SLCO4A1: variants seen among roughly 807,000 people sequenced by gnomAD.
SLCO4A1 encodes solute carrier organic anion transporter family member 4A1, also known as colon organic anion transporter.
A neutral mutation model predicts 64.6 loss-of-function variants in SLCO4A1; 51 were observed. The ratio of observed to expected loss-of-function variants is 0.79; its 90% CI spans 0.63 to 1.00. The LOEUF (loss-of-function observed/expected upper bound fraction) is 1.00, where lower values mean the gene tolerates loss of function less well. Among genes scored for constraint, SLCO4A1 ranks in the 50% least tolerant of loss-of-function variants. The pLI, the probability that SLCO4A1 is intolerant of heterozygous loss-of-function variation, is 0.00. For missense variants in SLCO4A1, 919 were observed against 980.5 expected (o/e 0.94, Z 0.84); for synonymous variants, 471 against 444.9 (o/e 1.06, Z -0.74).
Position 62,657,241 on chromosome 20 carries a change from G to T in SLCO4A1, c.787G>T (p.Val263Phe), listed in dbSNP as rs140267842. ...GAACGTCAAGTCCAGCTGCTCGCCCGTCTACATTGGTGAGTGGGGCTGGCG... is the reference window on the plus strand; with the variant it reads ...GAACGTCAAGTCCAGCTGCTCGCCCTTCTACATTGGTGAGTGGGGCTGGCG... ...DENVKSSCSP[V>F]YIAIFYTAAI... Residue 263 changes from valine (V) to phenylalanine (F), a missense_variant, in exon 2 of 12, where the codon GTC (valine) becomes TTC (phenylalanine). Physicochemically the swap from Val to Phe is conservative, Grantham distance 50. Coordinates refer to ENST00000217159, the MANE Select transcript of SLCO4A1 (RefSeq NM_016354.4). 6.5e-7 allele frequency: 1 copy of T among 1,528,550 alleles called. No homozygotes were observed. The highest frequency in any genetic ancestry group is 8.8e-7 in the Non-Finnish European group (1 of 1,131,686). 94.7% of individuals were successfully genotyped at this position (1,528,550 alleles called of 1,614,324 possible).
At chr20:62,684,809 G>C (rs1987994846) in intron 2 of SLCO4A1, among the ~76,000 whole-genome samples, 1 of 152,134 alleles carries the variant, frequency 6.6e-6, no homozygotes, top group African/African-American at 2.4e-5. Flanking sequence ...CCCCACACCT[G>C]GAAGTCGCTC....
At chr20:62,687,930 A>T (rs1988118684), downstream of SLCO4A1, among the ~76,000 whole-genome samples, 1 of 152,028 alleles carries the variant, frequency 6.6e-6, no homozygotes, top group Non-Finnish European at 1.5e-5. Context: ...GCCATGTCCT[A>T]CCAGGCACTA....
chr20:62,676,549 G>C (rs4549159), downstream of SLCO4A1, among the ~76,000 whole-genome samples: 48,077 of 152,170 alleles, frequency 0.32, 7,708 homozygotes, highest in Non-Finnish European at 0.34. Context: ...AGGAGAAGAT[G>C]CTCAAGATTT....
rs78741883 is a variant in SLCO4A1, at chr20:62,679,962, CAG to C, written n.212-5474_212-5473del. Among the ~76,000 whole-genome samples, 362 of 152,318 alleles carry C rather than the reference CAG, an allele frequency of 2.4e-3. 1 individual carries two copies. Among genetic ancestry groups the C allele is most frequent in the Non-Finnish European group, 4.4e-3 (302 of 68,028 alleles). On this transcript the variant is annotated intron_variant and non_coding_transcript_variant, in intron 2 of 2. Transcript: ENST00000466818. ...TACCTTAAAGACCCTCTACACGAAA[CAG>C]AGAGTTTCTAAGAATCTTTGGGGAG... is the stretch of plus-strand genomic sequence containing the variant.
intron 1 of SLCO4A1, chr20:62,643,025 G>A (rs1601596275): frequency 2.1e-6 from 1 of 470,202 alleles, no homozygotes; most frequent in South Asian, 1.5e-5. Flanking sequence ...TGCGGCGGCC[G>A]CTGCTGCCGA....
In SLCO4A1 at chr20:62,661,041, C is replaced by CCCCCCCCCCCCCCCAAAAAA. The variant is rs58039100; in HGVS notation, c.1010-23_1010-22insCCCCCCCCCCCCCCAAAAAA. 2.8e-6 allele frequency: 4 copies of CCCCCCCCCCCCCCCAAAAAA among 1,424,144 alleles called. No homozygotes were observed. The highest frequency in any genetic ancestry group is 4.0e-6 in the Non-Finnish European group (4 of 1,010,142). 88.2% of individuals were successfully genotyped at this position (1,424,144 alleles called of 1,614,324 possible). On this transcript the variant is annotated intron_variant, in intron 4 of 11. Transcript: ENST00000217159. The surrounding 1 kb of genome is among the most constrained non-coding windows in gnomAD (Gnocchi z 5.2). ...TCCGGGAGCCCCCAGCCCCCAGCCC[C>CCCCCCCCCCCCCCCAAAAAA]AGCTCACTCTGTGCCCTTCCAGGCT... is the stretch of plus-strand genomic sequence containing the variant.
At chr20:62,655,097 G>A (rs993295961) in intron 1 of SLCO4A1, among the ~76,000 whole-genome samples, 63 of 152,256 alleles carry the variant, frequency 4.1e-4, no homozygotes, top group African/African-American at 1.5e-3. Context: ...TTGGGGTCAA[G>A]GCTCCAAGAC....
intron 6 of SLCO4A1, 139 bp downstream of exon 6, chr20:62,665,227 T>C (rs1985886447): frequency 5.2e-6 from 5 of 952,942 alleles, no homozygotes; most frequent in Non-Finnish European, 7.7e-6. Flanking sequence ...AGAGCAGGTG[T>C]GGAGAGCGCC....
intron 1 of SLCO4A1, among the ~76,000 whole-genome samples, chr20:62,655,128 A>G (rs951709267): frequency 6.6e-6 from 1 of 152,362 alleles, no homozygotes; most frequent in South Asian, 2.1e-4. Context: ...AGGGGTCACA[A>G]TTCAGCCATA....
chr20:62,684,672 C>A (rs988248165), intron 2 of SLCO4A1, among the ~76,000 whole-genome samples: 5 of 152,078 alleles, frequency 3.3e-5, no homozygotes, highest in African/African-American at 1.2e-4. Flanking sequence ...CTCATTCATC[C>A]CCCCACTCCC....
At chr20:62,687,219 GGGGCCTCT>G, downstream of SLCO4A1, among the ~76,000 whole-genome samples, 1 of 134,890 alleles carries the variant, frequency 7.4e-6, no homozygotes, top group African/African-American at 3.1e-5. Flanking sequence ...AACAGGAGCG[GGGGCCTCT>G]GAAGGCAAGT....
chr20:62,658,637 G>T (rs1196980791), intron 2 of SLCO4A1, 40 bp from the exon 3 acceptor site: 1 of 1,540,680 alleles, frequency 6.5e-7, no homozygotes. Context: ...CAGCCCCTGG[G>T]TGGTGCACAG....
intron 1 of SLCO4A1, among the ~76,000 whole-genome samples, chr20:62,652,747 T>C (rs1982828192): frequency 6.6e-6 from 1 of 152,178 alleles, no homozygotes; most frequent in Non-Finnish European, 1.5e-5. Flanking sequence ...AACCCCCGGG[T>C]GTGGCCGCGG....
rs1487865940 is a variant in SLCO4A1 at position 62,645,218 on chromosome 20, G to A, written c.-97+2665G>A. ...ATTGCACCCCTTGAACAGGGAGGGA[G>A]GTGCCAGTAACTCACATGCTAGGTT... is the stretch of plus-strand genomic sequence containing the variant. On this transcript the variant is annotated intron_variant, in intron 1 of 11. Transcript: ENST00000217159. This position sits in a 1 kb window ranked among gnomAD's most constrained non-coding sequence, Gnocchi z 4.2. 6.6e-6 allele frequency among the ~76,000 whole-genome samples: 1 copy of A among 152,156 alleles called. No individual in the cohort carries two copies. Among genetic ancestry groups the A allele is most frequent in the East Asian group, 1.9e-4 (1 of 5,166 alleles).
At chr20:62,674,795 T>C (rs1418776951), downstream of SLCO4A1, among the ~76,000 whole-genome samples, 2 of 152,150 alleles carry the variant, frequency 1.3e-5, no homozygotes, top group Admixed American at 6.5e-5. Context: ...CGTAGCCCTG[T>C]AACAGAGGAA....
intron 1 of SLCO4A1, among the ~76,000 whole-genome samples, chr20:62,654,298 C>T (rs1426766811): frequency 6.6e-6 from 1 of 152,244 alleles, no homozygotes; most frequent in Non-Finnish European, 1.5e-5. Flanking sequence ...CTTCTCAGAT[C>T]ACTTGTCACA....
At position 62,645,342 on chromosome 20, in the gene SLCO4A1, T is replaced by A. The variant is rs1981112736; in HGVS notation, c.-97+2789T>A. On this transcript the variant is annotated intron_variant, in intron 1 of 11. Transcript: ENST00000217159. The surrounding 1 kb of genome is among the most constrained non-coding windows in gnomAD (Gnocchi z 4.2). ...AACAGACTCTGGGCGTGTCCTCCTGTGGGCCTCTGCAGAGGAAGCAGACTG... is the reference window on the plus strand; with the variant it reads ...AACAGACTCTGGGCGTGTCCTCCTGAGGGCCTCTGCAGAGGAAGCAGACTG... 6.6e-6 allele frequency among the ~76,000 whole-genome samples: 1 copy of A among 152,002 alleles called. No homozygotes were observed.
chr20:62,645,468 G>A lies in SLCO4A1; in HGVS notation c.-97+2915G>A, dbSNP rs1286334774. On this transcript the variant is annotated intron_variant, in intron 1 of 11. Coordinates refer to ENST00000217159, the MANE Select transcript of SLCO4A1 (RefSeq NM_016354.4). The surrounding 1 kb of genome is among the most constrained non-coding windows in gnomAD (Gnocchi z 4.2). ...AGGGTGAGGGTGCGGGTGAGGATGA[G>A]GGTGCGGGTGAGGACCCACCCACAC... Among the ~76,000 whole-genome samples, 2 of 147,166 alleles carry A rather than the reference G, an allele frequency of 1.4e-5. No individual in the cohort carries two copies. The highest frequency in any genetic ancestry group is 2.5e-5 in the African/African-American group (1 of 39,936).
At chr20:62,654,004 T>C (rs1983144919) in intron 1 of SLCO4A1, among the ~76,000 whole-genome samples, 1 of 152,144 alleles carries the variant, frequency 6.6e-6, no homozygotes, top group South Asian at 2.1e-4. Flanking sequence ...CAAACCTGCA[T>C]GTTGTGCACA....
Sources: allele counts gnomAD v4.1 joint callset (sites outside exome capture counted in the v4.1 genomes callset), GRCh38; gene constraint gnomAD v4.1.1; non-coding constraint Gnocchi (gnomAD v3.1); transcripts MANE v1.5; gene names NCBI Gene and HGNC (gene_info 2026-07-23, HGNC 2026-07-21).